The following FAM76A variants were observed in gnomAD, a reference collection of about 807,000 sequenced individuals.
FAM76A encodes protein FAM76A.
Under a neutral mutation model 46.2 loss-of-function variants are expected in FAM76A, and 32 were observed. That is an observed-to-expected ratio of 0.69 (90% CI 0.52 to 0.93). The LOEUF (loss-of-function observed/expected upper bound fraction) is 0.93, where lower values mean the gene tolerates loss of function less well. FAM76A is among the 40% of genes least tolerant of loss of function. The probability of loss-of-function intolerance (pLI) is 0.00; values close to 1 mark genes in which losing one functional copy is unlikely to be tolerated. For synonymous variants in FAM76A, 137 were observed against 127.0 expected (o/e 1.08, Z -0.53); for missense variants, 274 against 361.5 (o/e 0.76, Z 1.96).
intron 8 of FAM76A, chr1:27,760,123 C>A: frequency 2.7e-6 from 1 of 367,206 alleles, no homozygotes; most frequent in Non-Finnish European, 5.4e-6. Context: ...ATCTTTTCCC[C>A]TCAAAAACAG....
At chr1:27,730,782 T>G (rs947005289) in intron 2 of FAM76A, among the ~76,000 whole-genome samples, 1 of 152,186 alleles carries the variant, frequency 6.6e-6, no homozygotes, top group Non-Finnish European at 1.5e-5. Context: ...ACAGGAATTA[T>G]ATGGGAAAAT....
chr1:27,740,686 G>C (rs2088136413), intron 4 of FAM76A: 2 of 493,798 alleles, frequency 4.1e-6, no homozygotes, highest in Non-Finnish European at 7.2e-6. Flanking sequence ...CAGAAAACAG[G>C]AATATTGACT....
At chr1:27,745,700 T>A (rs1178784401) in intron 5 of FAM76A, among the ~76,000 whole-genome samples, 3 of 152,108 alleles carry the variant, frequency 2.0e-5, no homozygotes, top group Non-Finnish European at 4.4e-5. Context: ...CCTTGAGAAG[T>A]CAGGCAAGCA....
rs1439610078 is a variant in FAM76A, at chr1:27,761,278, A to G, written c.*697A>G. 5 of 152,218 alleles carry G rather than the reference A, an allele frequency of 3.3e-5. No homozygotes were observed. Among genetic ancestry groups the G allele is most frequent in the Non-Finnish European group, 5.9e-5 (4 of 67,984 alleles). 9.4% of individuals were successfully genotyped at this position (152,218 alleles called of 1,614,324 possible). A position where few individuals can be genotyped will look rare whatever the true frequency, so the allele number is the denominator to read the frequency against. ...TGCCTCTTGAAAAAAAAACAGTCCT[A>G]TTCACTAGCTTTTAGTAAAAGAATC... On this transcript the variant is annotated 3_prime_UTR_variant, in exon 9 of 9. Coordinates refer to ENST00000373954, the MANE Select transcript of FAM76A (RefSeq NM_152660.3).
intron 4 of FAM76A, chr1:27,740,488 T>C (rs559558275): frequency 1.2e-5 from 18 of 1,453,056 alleles, no homozygotes; most frequent in Non-Finnish European, 1.7e-5. Flanking sequence ...GTCCTGACAC[T>C]GTCCACAAGT....
chr1:27,728,064 A>T (rs1453243770), intron 2 of FAM76A, among the ~76,000 whole-genome samples: 1 of 151,946 alleles, frequency 6.6e-6, no homozygotes, highest in East Asian at 1.9e-4. Flanking sequence ...CCTCAGCCTC[A>T]CAAAGTGCTG....
chr1:27,730,150 A>G (rs764414577), intron 2 of FAM76A: 10 of 192,788 alleles, frequency 5.2e-5, no homozygotes, highest in Non-Finnish European at 9.8e-5. Context: ...AAGATGGATC[A>G]TAGAGTTAGT....
chr1:27,760,478 ATT>A lies in FAM76A; in HGVS notation c.838-8_838-7del. 3 of 1,330,912 alleles carry A rather than the reference ATT, an allele frequency of 2.3e-6. No individual in the cohort carries two copies. Among genetic ancestry groups the A allele is most frequent in the East Asian group, 2.7e-5 (1 of 36,672 alleles). The allele number at this position is 1,330,912 out of a possible 1,614,324, so 82.4% of individuals were successfully genotyped here. A position where few individuals can be genotyped will look rare whatever the true frequency, so the allele number is the denominator to read the frequency against. On this transcript the variant is annotated splice_polypyrimidine_tract_variant and intron_variant, in intron 8 of 8. Transcript: ENST00000373954. ...TGTTTGAAACATCCTTCTTGCACTG[ATT>A]TTTTTTTTCTTTAGGCCAAAAACCG...
At chr1:27,726,230 T>A in intron 1 of FAM76A, 69 bp downstream of exon 1, 1 of 1,205,540 alleles carries the variant, frequency 8.3e-7, no homozygotes, top group South Asian at 3.7e-5. Context: ...CCAGATTCTG[T>A]GGGGACGCCC....
chr1:27,759,870 T>C (rs1571503947), intron 8 of FAM76A: 1 of 557,098 alleles, frequency 1.8e-6, no homozygotes, highest in Admixed American at 2.2e-5. Flanking sequence ...CAGGCTCAGG[T>C]GATCCTCCCA....
chr1:27,761,325 CT>C lies in FAM76A; in HGVS notation c.*746del, dbSNP rs776597711. 8 of 152,134 alleles carry C rather than the reference CT, an allele frequency of 5.3e-5. No homozygotes were observed. Among genetic ancestry groups the C allele is most frequent in the Non-Finnish European group, 1.2e-4 (8 of 67,970 alleles). The allele number at this position is 152,134 out of a possible 1,614,324, so 9.4% of individuals were successfully genotyped here. On this transcript the variant is annotated 3_prime_UTR_variant, in exon 9 of 9. Coordinates refer to ENST00000373954, the MANE Select transcript of FAM76A (RefSeq NM_152660.3). The stretch of plus-strand genomic sequence containing the variant: ...AATCAGATCTTTTCTTTCTTGTTAC[CT>C]TGGAGTCTTAAAAACTGATTGCTAA...
In FAM76A at chr1:27,762,759, A is replaced by G. The variant is rs573647699; in HGVS notation, c.*2178A>G. The G allele has an allele frequency of 2.5e-4, 38 of 152,276 alleles. No individual in the cohort carries two copies. Among genetic ancestry groups the G allele is most frequent in the African/African-American group, 8.9e-4 (37 of 41,554 alleles). 9.4% of individuals were successfully genotyped at this position (152,276 alleles called of 1,614,324 possible). A position where few individuals can be genotyped will look rare whatever the true frequency, so the allele number is the denominator to read the frequency against. The stretch of plus-strand genomic sequence containing the variant: ...GAAAAATTAGGGGGAAATGACAGTC[A>G]TGGTGTTTTTTTTTAATTTTAAGGA... On this transcript the variant is annotated 3_prime_UTR_variant, in exon 9 of 9. Transcript: ENST00000373954.
At chr1:27,755,780 G>A (rs2088400993) in intron 7 of FAM76A, among the ~76,000 whole-genome samples, 1 of 152,040 alleles carries the variant, frequency 6.6e-6, no homozygotes, top group Admixed American at 6.6e-5. Flanking sequence ...TTATTATGTT[G>A]CCCAGACTGG....
intron 4 of FAM76A, among the ~76,000 whole-genome samples, chr1:27,742,467 G>A (rs1156416603): frequency 6.6e-6 from 1 of 152,114 alleles, no homozygotes. Context: ...AGGCCACCAC[G>A]AGGGACTGGG....
chr1:27,732,041 C>T (rs900143468), intron 2 of FAM76A, among the ~76,000 whole-genome samples: 6 of 152,128 alleles, frequency 3.9e-5, no homozygotes, highest in East Asian at 1.9e-4. Context: ...GGGCTGGTCT[C>T]GGACTCCTGA....
intron 2 of FAM76A, among the ~76,000 whole-genome samples, chr1:27,729,911 T>C (rs1269722977): frequency 6.6e-6 from 1 of 152,180 alleles, no homozygotes; most frequent in African/African-American, 2.4e-5. Context: ...TGCCCCATCC[T>C]AGACAATCCC....
chr1:27,744,242 C>T (rs2088203911), intron 4 of FAM76A, among the ~76,000 whole-genome samples: 1 of 152,142 alleles, frequency 6.6e-6, no homozygotes, highest in Non-Finnish European at 1.5e-5. Flanking sequence ...GATTCTTCTG[C>T]CTCAGCCTCC....
intron 7 of FAM76A, among the ~76,000 whole-genome samples, chr1:27,757,342 G>A (rs143635037): frequency 0.012 from 1,760 of 150,232 alleles, 27 homozygotes; most frequent in African/African-American, 0.038. Context: ...GACTACAGGC[G>A]TGCACCACCA....
At chr1:27,759,136 C>G (rs1234992066) in intron 7 of FAM76A, among the ~76,000 whole-genome samples, 4 of 152,146 alleles carry the variant, frequency 2.6e-5, no homozygotes, top group East Asian at 1.9e-4. Context: ...CTTGCTAACT[C>G]TGTATATGAT....
Sources: allele counts gnomAD v4.1 joint callset (sites outside exome capture counted in the v4.1 genomes callset), GRCh38; gene constraint gnomAD v4.1.1; transcripts MANE v1.5; gene names NCBI Gene and HGNC (gene_info 2026-07-23, HGNC 2026-07-21).